CEP128: variants seen among roughly 807,000 people sequenced by gnomAD.
The protein encoded by CEP128 is centrosomal protein 128.
CEP128 carries 132 observed loss-of-function variants against 156.7 expected under a neutral mutation model. The ratio of observed to expected loss-of-function variants is 0.84; its 90% CI spans 0.73 to 0.97. The LOEUF is 0.97. CEP128 is among the 50% of genes least tolerant of loss of function. CEP128 has a pLI of 0.00. For synonymous variants in CEP128, 469 were observed against 448.9 expected, an observed-to-expected ratio of 1.04 and a Z score of -0.57; for missense variants, 1,252 against 1,281.9, an observed-to-expected ratio of 0.98 and a Z score of 0.36.
chr14:80,486,252 T>C (rs1403873989), downstream of CEP128, among the ~76,000 whole-genome samples: 6 of 152,048 alleles, frequency 3.9e-5, no homozygotes, highest in African/African-American at 1.4e-4. Flanking sequence ...TGTGATCAAC[T>C]GGAAGAAAGG....
chr14:80,684,851 G>A lies in CEP128; in HGVS notation c.2806+58224C>T, dbSNP rs544894547. On this transcript the variant is annotated intron_variant, in intron 19 of 24. Coordinates refer to ENST00000555265, the MANE Select transcript of CEP128 (RefSeq NM_152446.5). ...CATAAACAAAATTTTAAAAAAATACGATCATCTCAATAAATGTGGAAAATA... is the reference window on the plus strand; with the variant it reads ...CATAAACAAAATTTTAAAAAAATACAATCATCTCAATAAATGTGGAAAATA... Among the ~76,000 whole-genome samples, 217 of 151,948 alleles carry A rather than the reference G, an allele frequency of 1.4e-3. 11 individuals carry two copies. In the South Asian group the frequency reaches 0.042, roughly 29 times the overall value.
At chr14:80,561,914 T>TATATATATATATATATATATG in intron 20 of CEP128, among the ~76,000 whole-genome samples, 1 of 82,672 alleles carries the variant, frequency 1.2e-5, no homozygotes, top group South Asian at 4.7e-4. Flanking sequence ...ATATATATAT[T>TATATATATATATATATATATG]TGTTTTGTTT....
chr14:80,749,838 T>A (rs1203528009), intron 18 of CEP128, among the ~76,000 whole-genome samples: 2 of 152,262 alleles, frequency 1.3e-5, no homozygotes, highest in Non-Finnish European at 2.9e-5. Context: ...AATGATGTGA[T>A]CATTATACAT....
intron 19 of CEP128, among the ~76,000 whole-genome samples, chr14:80,732,296 TAAAA>T (rs953770939): frequency 2.1e-4 from 32 of 152,014 alleles, no homozygotes; most frequent in African/African-American, 7.5e-4. Context: ...GCAAACATGA[TAAAA>T]AGGGCTAGAG....
chr14:80,906,319 A>G (rs557709041), intron 4 of CEP128, among the ~76,000 whole-genome samples: 2 of 152,230 alleles, frequency 1.3e-5, no homozygotes, highest in African/African-American at 4.8e-5. Flanking sequence ...TCCATTTTTT[A>G]TTGCCAGATG....
At chr14:80,719,048 C>T (rs1032773757) in intron 19 of CEP128, among the ~76,000 whole-genome samples, 4 of 152,214 alleles carry the variant, frequency 2.6e-5, no homozygotes, top group African/African-American at 4.8e-5. Context: ...CAGCAGGAAC[C>T]GGCAGATGGC....
At chr14:80,525,064 C>T (rs1227770389) in intron 23 of CEP128, among the ~76,000 whole-genome samples, 2 of 152,068 alleles carry the variant, frequency 1.3e-5, no homozygotes, top group Non-Finnish European at 2.9e-5. Context: ...CAGATAGCAC[C>T]GATTCACCTG....
intron 19 of CEP128, among the ~76,000 whole-genome samples, chr14:80,589,661 G>T (rs17110831): frequency 0.17 from 25,219 of 152,014 alleles, 2,382 homozygotes; most frequent in East Asian, 0.2. Flanking sequence ...CACCTATGCT[G>T]GAGTGTAATT....
At chr14:80,828,736 G>C (rs1885622700) in intron 13 of CEP128, among the ~76,000 whole-genome samples, 1 of 152,162 alleles carries the variant, frequency 6.6e-6, no homozygotes, top group Non-Finnish European at 1.5e-5. Flanking sequence ...TTCTGTAGGA[G>C]AGGTGTCAGA....
chr14:80,731,802 C>A (rs1898285413), intron 19 of CEP128, among the ~76,000 whole-genome samples: 1 of 152,072 alleles, frequency 6.6e-6, no homozygotes, highest in Non-Finnish European at 1.5e-5. Flanking sequence ...TCAAAAAATC[C>A]ACTGAAGACA....
intron 2 of CEP128, among the ~76,000 whole-genome samples, chr14:80,949,361 G>C (rs1886411772): frequency 6.6e-6 from 1 of 152,248 alleles, no homozygotes; most frequent in African/African-American, 2.4e-5. Context: ...ACTACGGGAG[G>C]TAGAGAGCTA....
intron 23 of CEP128, chr14:80,514,779 GA>G (rs748631806): frequency 6.2e-5 from 15 of 240,584 alleles, no homozygotes; most frequent in African/African-American, 1.1e-4. Context: ...GATGCTGGGG[GA>G]TATTTGTCGA....
At chr14:80,580,243 A>G (rs1891527949) in intron 20 of CEP128, 131 bp downstream of exon 20, 1 of 563,942 alleles carries the variant, frequency 1.8e-6, no homozygotes. Context: ...GCAAATTCCA[A>G]CTTTATAGTT....
chr14:80,941,983 T>C (rs80211943), upstream of CEP128, among the ~76,000 whole-genome samples: 3,709 of 152,052 alleles, frequency 0.024, 72 homozygotes, highest in Middle Eastern at 0.082. Context: ...CAGCCTCCTT[T>C]GTAGGAGGCA....
chr14:80,646,967 G>T (rs1894658574), intron 19 of CEP128, among the ~76,000 whole-genome samples: 1 of 124,362 alleles, frequency 8.0e-6, no homozygotes, highest in Non-Finnish European at 1.8e-5. Context: ...TAGAATGCTA[G>T]GCCAAAAGGT....
At chr14:80,795,903 CT>C (rs1333500612) in intron 13 of CEP128, among the ~76,000 whole-genome samples, 1 of 152,192 alleles carries the variant, frequency 6.6e-6, no homozygotes, top group Non-Finnish European at 1.5e-5. Context: ...GATTTTCCTA[CT>C]TGACTATTCT....
At chr14:80,863,470 G>A (rs184997124) in intron 8 of CEP128, among the ~76,000 whole-genome samples, 18 of 152,184 alleles carry the variant, frequency 1.2e-4, no homozygotes, top group African/African-American at 4.3e-4. Context: ...GTGAAAGAAA[G>A]TCAAACTGAA....
intron 13 of CEP128, chr14:80,830,179 T>A: frequency 1.8e-6 from 1 of 557,882 alleles, no homozygotes; most frequent in Non-Finnish European, 3.2e-6. Flanking sequence ...TTCAAGTAAG[T>A]CTTTATTAAA....
chr14:80,741,830 C>T (rs527646555), intron 19 of CEP128, among the ~76,000 whole-genome samples: 1 of 152,062 alleles, frequency 6.6e-6, no homozygotes, highest in East Asian at 1.9e-4. Flanking sequence ...AGTTTCGCTG[C>T]CTTTCACCTT....
Sources: gnomAD v4.1 joint callset for allele counts (sites outside exome capture counted in the v4.1 genomes callset) on GRCh38, gnomAD v4.1.1 for gene constraint, MANE v1.5 for transcripts, NCBI Gene and HGNC (gene_info 2026-07-23, HGNC 2026-07-21) for gene names.